Variants in CLDN10 observed in about 807,000 individuals in gnomAD.
CLDN10 encodes the protein claudin-10.
Under a neutral mutation model 22.9 loss-of-function variants are expected in CLDN10, and 15 were observed. The ratio of observed to expected loss-of-function variants is 0.65; its 90% CI spans 0.44 to 1.01. The LOEUF (loss-of-function observed/expected upper bound fraction) is 1.01. Among genes scored for constraint, CLDN10 ranks in the 50% least tolerant of loss-of-function variants. CLDN10 has a pLI of 0.00. For missense variants in CLDN10, 247 were observed against 287.8 expected (o/e 0.86, Z 1.03); for synonymous variants, 114 against 111.4 (o/e 1.02, Z -0.15).
upstream of CLDN10, among the ~76,000 whole-genome samples, chr13:95,551,596 A>G (rs1294652909): frequency 2.0e-5 from 3 of 152,228 alleles, no homozygotes; most frequent in East Asian, 5.8e-4. Context: ...GCCTAAAGAT[A>G]GTGACACAGA....
At chr13:95,455,151 C>A (rs934239665) in intron 1 of CLDN10, among the ~76,000 whole-genome samples, 7 of 149,686 alleles carry the variant, frequency 4.7e-5, no homozygotes, top group African/African-American at 1.7e-4. Context: ...GGATTACAGG[C>A]GAGCCACCAT....
At chr13:95,463,832 C>CT (rs1247609124) in intron 1 of CLDN10, among the ~76,000 whole-genome samples, 1 of 151,972 alleles carries the variant, frequency 6.6e-6, no homozygotes, top group East Asian at 1.9e-4. Flanking sequence ...TCCAAACCCT[C>CT]TTTTTTGGAC....
At chr13:95,526,456 T>G (rs2043281956) in intron 1 of CLDN10, among the ~76,000 whole-genome samples, 1 of 152,182 alleles carries the variant, frequency 6.6e-6, no homozygotes, top group Non-Finnish European at 1.5e-5. Flanking sequence ...GTCAGTATCT[T>G]TAAGTTGTTC....
At chr13:95,529,472 T>C (rs1199256506) in intron 1 of CLDN10, among the ~76,000 whole-genome samples, 1 of 152,174 alleles carries the variant, frequency 6.6e-6, no homozygotes, top group Non-Finnish European at 1.5e-5. Flanking sequence ...AATATGTTAT[T>C]TTTTTGGTGC....
chr13:95,578,025 T>G lies in CLDN10; in HGVS notation c.*11T>G, dbSNP rs1325774. On this transcript the variant is annotated 3_prime_UTR_variant, in exon 5 of 5. Coordinates refer to ENST00000299339, the MANE Select transcript of CLDN10 (RefSeq NM_006984.5). Reference sequence around the variant, plus strand: ...AATGCTTATGTCTAAAAGAGCTCGCTGGCAAGCTGCCTCTTGAGTTTGTTA... The same window carrying G: ...AATGCTTATGTCTAAAAGAGCTCGCGGGCAAGCTGCCTCTTGAGTTTGTTA... The G allele has an allele frequency of 0.33, 496,020 of 1,511,044 alleles. 82,957 individuals carry two copies. The highest frequency in any genetic ancestry group is 0.35 in the Non-Finnish European group (376,681 of 1,089,896). The allele number at this position is 1,511,044 out of a possible 1,614,324, so 93.6% of individuals were successfully genotyped here.
chr13:95,576,308 C>T (rs541806658), intron 3 of CLDN10, among the ~76,000 whole-genome samples: 57 of 152,278 alleles, frequency 3.7e-4, no homozygotes, highest in African/African-American at 1.3e-3. Flanking sequence ...ACAGACCCTC[C>T]GACCCTGGCT....
chr13:95,542,344 C>T (rs985770578), intron 1 of CLDN10, among the ~76,000 whole-genome samples: 4 of 152,148 alleles, frequency 2.6e-5, no homozygotes, highest in Admixed American at 6.5e-5. Context: ...GAGGATGTGA[C>T]AGCATTTAAA....
intron 1 of CLDN10, among the ~76,000 whole-genome samples, chr13:95,439,691 C>A (rs890668997): frequency 6.6e-6 from 1 of 151,998 alleles, no homozygotes; most frequent in Admixed American, 6.6e-5. Flanking sequence ...GCCTTCCTGA[C>A]CTAATCACCT....
chr13:95,569,286 T>C (rs2043824414), intron 3 of CLDN10, among the ~76,000 whole-genome samples: 1 of 152,174 alleles, frequency 6.6e-6, no homozygotes, highest in Non-Finnish European at 1.5e-5. Context: ...GGACCTAGCA[T>C]GAAACTATAA....
rs897133762 is a variant in CLDN10 at position 95,578,623 on chromosome 13, T to A, written c.*609T>A. The A allele has an allele frequency of 6.6e-6, 1 of 152,188 alleles. No individual in the cohort carries two copies. The highest frequency in any genetic ancestry group is 1.9e-4 in the East Asian group (1 of 5,200). 9.4% of individuals were successfully genotyped at this position (152,188 alleles called of 1,614,324 possible). On this transcript the variant is annotated 3_prime_UTR_variant, in exon 5 of 5. Coordinates refer to ENST00000299339, the MANE Select transcript of CLDN10 (RefSeq NM_006984.5). The stretch of plus-strand genomic sequence containing the variant: ...AGGATCTTGCTCATTCATGGCCATA[T>A]CCACATGCCCATGGCCACTCAGTAG...
chr13:95,486,291 T>C lies in CLDN10; in HGVS notation c.214+52244T>C, dbSNP rs775472764. ...CAATAGGCGCATTTTGGGAGGCCGA[T>C]GTGGGTGGATCACTTGAGGTCAGGA... is the stretch of plus-strand genomic sequence containing the variant. On this transcript the variant is annotated intron_variant, in intron 1 of 4. Transcript: ENST00000376873. Among the ~76,000 whole-genome samples the C allele has an allele frequency of 2.5e-3, 378 of 152,200 alleles. 3 individuals carry two copies. Among genetic ancestry groups the C allele is most frequent in the Non-Finnish European group, 2.8e-3 (192 of 67,994 alleles).
chr13:95,442,517 C>T (rs1041321044), intron 1 of CLDN10, among the ~76,000 whole-genome samples: 6 of 152,190 alleles, frequency 3.9e-5, no homozygotes, highest in African/African-American at 1.4e-4. Context: ...ATTTCGATGT[C>T]AGTTACTCAT....
chr13:95,450,768 C>A, intron 1 of CLDN10, among the ~76,000 whole-genome samples: 1 of 152,206 alleles, frequency 6.6e-6, no homozygotes, highest in East Asian at 1.9e-4. Context: ...TCTACCTGGG[C>A]TCAGCATCTA....
In CLDN10 at chr13:95,465,174, G is replaced by A. The variant is rs117981911; in HGVS notation, c.214+31127G>A. Among the ~76,000 whole-genome samples, 167 of 152,256 alleles carry A rather than the reference G, an allele frequency of 1.1e-3. 2 individuals carry two copies. In the East Asian group the frequency reaches 0.026, roughly 24 times the overall value. On this transcript the variant is annotated intron_variant, in intron 1 of 4. Transcript: ENST00000376873. ...CAGAAAGAGAGAATGAGGCAGAAGC[G>A]AAAGTAGAAGCCCCTTATTAAACCA...
chr13:95,480,422 C>T (rs1340177141), intron 1 of CLDN10, among the ~76,000 whole-genome samples: 1 of 152,218 alleles, frequency 6.6e-6, no homozygotes, highest in Non-Finnish European at 1.5e-5. Context: ...ACAGCTCACA[C>T]CCAGAGCTGG....
intron 1 of CLDN10, among the ~76,000 whole-genome samples, chr13:95,452,127 C>T (rs1471219961): frequency 2.6e-5 from 4 of 152,122 alleles, no homozygotes; most frequent in Non-Finnish European, 5.9e-5. Flanking sequence ...TCAAAGCTAC[C>T]AATTGTTATC....
intron 1 of CLDN10, among the ~76,000 whole-genome samples, chr13:95,451,174 C>T (rs1011082632): frequency 1.3e-5 from 2 of 152,198 alleles, no homozygotes; most frequent in African/African-American, 2.4e-5. Context: ...AATGGCCAAT[C>T]CCCGGCAGGA....
intron 1 of CLDN10, among the ~76,000 whole-genome samples, chr13:95,485,109 A>G (rs2042791809): frequency 1.3e-5 from 2 of 150,310 alleles, no homozygotes; most frequent in East Asian, 2.0e-4. Context: ...CCCCACAGAG[A>G]GCCACGTGGG....
At chr13:95,566,082 A>G (rs1195022456) in intron 3 of CLDN10, among the ~76,000 whole-genome samples, 1 of 152,192 alleles carries the variant, frequency 6.6e-6, no homozygotes, top group Admixed American at 6.5e-5. Context: ...GCCGCAATAA[A>G]CATACATGTG....
Sources: gnomAD v4.1 joint callset for allele counts (sites outside exome capture counted in the v4.1 genomes callset) on GRCh38, gnomAD v4.1.1 for gene constraint, MANE v1.5 for transcripts, NCBI Gene and HGNC (gene_info 2026-07-23, HGNC 2026-07-21) for gene names.